Variants in SHANK1 observed in about 807,000 individuals in gnomAD.
The protein encoded by SHANK1 is SH3 and multiple ankyrin repeat domains 1, also known as SH3 and multiple ankyrin repeat domains protein 1.
Under a neutral mutation model 165.6 loss-of-function variants are expected in SHANK1, and 35 were observed. That is an observed-to-expected ratio of 0.21 (90% CI 0.16 to 0.28). SHANK1 has a LOEUF of 0.28. SHANK1 is among the 10% of genes least tolerant of loss of function. The probability of loss-of-function intolerance (pLI) is 1.00; values close to 1 mark genes in which losing one functional copy is unlikely to be tolerated. For synonymous variants in SHANK1, 1,428 were observed against 1,384.8 expected, an observed-to-expected ratio of 1.03 and a Z score of -0.69; for missense variants, 2,681 against 3,036.4, an observed-to-expected ratio of 0.88 and a Z score of 2.75.
intron 12 of SHANK1, among the ~76,000 whole-genome samples, chr19:50,700,410 C>T (rs2123168539): frequency 6.6e-6 from 1 of 151,620 alleles, no homozygotes; most frequent in East Asian, 1.9e-4. Flanking sequence ...GGACTTGGGG[C>T]ATTGGAGAAT....
At chr19:50,663,110 G>A (rs1206691541) in intron 23 of SHANK1, 1 of 206,512 alleles carries the variant, frequency 4.8e-6, no homozygotes, top group Non-Finnish European at 9.8e-6. Context: ...AGGACACACA[G>A]GAAGTGGCAG....
intron 8 of SHANK1, among the ~76,000 whole-genome samples, chr19:50,708,790 C>G (rs923202953): frequency 3.3e-5 from 5 of 152,206 alleles, no homozygotes; most frequent in African/African-American, 1.2e-4. Flanking sequence ...CATTTTCATT[C>G]ATTCATTCAC....
rs779067464 is a variant in SHANK1, at chr19:50,662,385, G to A, written c.6066C>T (p.Ile2022=). ...CTGGGTAGAGGGGTCCGGAAGGCAG[G>A]ATGGGCAGGGACGAGGGCCTGGGCG... ...SPAPRPSSLP[I]LPSGPLYPGL... Residue 2022 remains isoleucine, a synonymous_variant, in exon 24 of 24, where the codon ATC becomes ATT. Transcript: ENST00000293441. This position sits in a 1 kb window ranked among gnomAD's most constrained non-coding sequence, Gnocchi z 7.7. The A allele has an allele frequency of 1.9e-6, 3 of 1,574,888 alleles. No homozygotes were observed. The highest frequency in any genetic ancestry group is 2.3e-5 in the East Asian group (1 of 44,282).
chr19:50,698,380 AC>A (rs1986806147), intron 12 of SHANK1, among the ~76,000 whole-genome samples: 1 of 152,032 alleles, frequency 6.6e-6, no homozygotes, highest in Non-Finnish European at 1.5e-5. Flanking sequence ...TCTCCTTGCC[AC>A]TTAATCTTTA....
intron 8 of SHANK1, among the ~76,000 whole-genome samples, chr19:50,709,070 G>C (rs1315478938): frequency 6.6e-6 from 1 of 152,196 alleles, no homozygotes; most frequent in African/African-American, 2.4e-5. Context: ...GTTATGCATC[G>C]GTTTGTTAAG....
At chr19:50,704,271 G>A (rs1031493242) in intron 9 of SHANK1, 85 bp from the exon 10 acceptor site, 23 of 1,438,798 alleles carry the variant, frequency 1.6e-5, no homozygotes, top group African/African-American at 9.8e-5. Flanking sequence ...TCCCTGGCCC[G>A]ACCCAAACCT....
chr19:50,717,642 G>A lies in SHANK1; in HGVS notation c.-43-680C>T, dbSNP rs1225102819. Among the ~76,000 whole-genome samples, 1 of 152,208 alleles carries A rather than the reference G, an allele frequency of 6.6e-6. No homozygotes were observed. Among genetic ancestry groups the A allele is most frequent in the Admixed American group, 6.5e-5 (1 of 15,286 alleles). On this transcript the variant is annotated intron_variant, in intron 1 of 23. Coordinates refer to ENST00000293441, the MANE Select transcript of SHANK1 (RefSeq NM_016148.5). The surrounding 1 kb of genome is among the most constrained non-coding windows in gnomAD (Gnocchi z 5.5). ...GGGTGTCCCCAAGGGAACCACAAGAGGTGGCTTTTGGAGACTGGGGCATCT... is the reference window on the plus strand; with the variant it reads ...GGGTGTCCCCAAGGGAACCACAAGAAGTGGCTTTTGGAGACTGGGGCATCT...
Position 50,686,933 on chromosome 19 carries a change from G to A in SHANK1, c.2390-121C>T, listed in dbSNP as rs1235440251. On this transcript the variant is annotated intron_variant, in intron 19 of 23. Transcript: ENST00000293441. This position sits in a 1 kb window ranked among gnomAD's most constrained non-coding sequence, Gnocchi z 5.7. The stretch of plus-strand genomic sequence containing the variant: ...GGGCGTGGCGGGCGCGAGAGGGGCA[G>A]TGAGGGGCCGGGGTCAGGGAGGGGC... 7.3e-7 allele frequency: 1 copy of A among 1,377,440 alleles called. No homozygotes were observed. Among genetic ancestry groups the A allele is most frequent in the Non-Finnish European group, 9.7e-7 (1 of 1,027,372 alleles). 85.3% of individuals were successfully genotyped at this position (1,377,440 alleles called of 1,614,324 possible).
chr19:50,662,823 A>G lies in SHANK1; in HGVS notation c.5769-141T>C, dbSNP rs1985320705. Reference sequence around the variant, plus strand: ...GGGGAGAGACGGAGGAGAGACGGGAAGAAATGGAGGGAGCAAGGGGTAAGA... The same window carrying G: ...GGGGAGAGACGGAGGAGAGACGGGAGGAAATGGAGGGAGCAAGGGGTAAGA... On this transcript the variant is annotated intron_variant, in intron 23 of 23. Transcript: ENST00000293441. The surrounding 1 kb of genome is among the most constrained non-coding windows in gnomAD (Gnocchi z 7.7). The G allele has an allele frequency of 1.1e-6, 1 of 869,596 alleles. No individual in the cohort carries two copies. Among genetic ancestry groups the G allele is most frequent in the Non-Finnish European group, 1.8e-6 (1 of 560,746 alleles). 53.9% of individuals were successfully genotyped at this position (869,596 alleles called of 1,614,324 possible). A position where few individuals can be genotyped will look rare whatever the true frequency, so the allele number is the denominator to read the frequency against.
rs1367934352 is a variant in SHANK1, at chr19:50,686,150, C to T, written c.2577+87G>A. 1 of 726,356 alleles carries T rather than the reference C, an allele frequency of 1.4e-6. No homozygotes were observed. The highest frequency in any genetic ancestry group is 1.8e-5 in the African/African-American group (1 of 55,238). The allele number at this position is 726,356 out of a possible 1,614,324, so 45.0% of individuals were successfully genotyped here. On this transcript the variant is annotated intron_variant, in intron 21 of 23. Coordinates refer to ENST00000293441, the MANE Select transcript of SHANK1 (RefSeq NM_016148.5). The surrounding 1 kb of genome is among the most constrained non-coding windows in gnomAD (Gnocchi z 5.7). ...GGACCAGCCTAAAGCACAGAGGCGTCAGGAGGGTTTTGGAAAGAGAAAGGC... is the reference window on the plus strand; with the variant it reads ...GGACCAGCCTAAAGCACAGAGGCGTTAGGAGGGTTTTGGAAAGAGAAAGGC...
rs781425869 is a variant in SHANK1, at chr19:50,713,379, G to A, written c.792+419C>T. On this transcript the variant is annotated intron_variant, in intron 6 of 23. Transcript: ENST00000293441. The surrounding 1 kb of genome is among the most constrained non-coding windows in gnomAD (Gnocchi z 6.2). ...GAGGAGGGAGGGGAGCTGGTGCAGT[G>A]CTGGTTTGGAAGGGTAGCTGGGGGG... 3.1e-4 allele frequency among the ~76,000 whole-genome samples: 47 copies of A among 151,984 alleles called. 1 individual carries two copies. The highest frequency in any genetic ancestry group is 5.4e-4 in the Non-Finnish European group (37 of 67,986).
In SHANK1 at chr19:50,666,356, G is replaced by C. The variant is rs1328681569; in HGVS notation, c.5604C>G (p.Ala1868=). 23 of 1,613,746 alleles carry C rather than the reference G, an allele frequency of 1.4e-5. No homozygotes were observed. The highest frequency in any genetic ancestry group is 1.9e-5 in the Non-Finnish European group (22 of 1,179,964). The change falls in exon 23 of 24, where the codon GCC becomes GCG. Residue 1868 remains alanine, a synonymous_variant. Coordinates refer to ENST00000293441, the MANE Select transcript of SHANK1 (RefSeq NM_016148.5). ...PQASALATVK[A]SIISELSSKL... is the part of the protein sequence containing the mutation. ...TGGAGCTGAGTTCACTGATGATGCT[G>C]GCTTTTACTGTGGCCAAGGCTGAGG...
Position 50,703,462 on chromosome 19 carries a change from G to C in SHANK1, c.1553+38C>G, listed in dbSNP as rs565683666. The C allele has an allele frequency of 2.0e-6, 3 of 1,496,922 alleles. No individual in the cohort carries two copies. The East Asian group carries it at 7.5e-5, about 37-fold the overall frequency. The allele number at this position is 1,496,922 out of a possible 1,614,324, so 92.7% of individuals were successfully genotyped here. On this transcript the variant is annotated intron_variant, in intron 11 of 23. Transcript: ENST00000293441. ...CGCCGATCTGGAGAGGGGATTTGAC[G>C]GGGCTGGGGACTGTGGAGCCAGGGC... is the stretch of plus-strand genomic sequence containing the variant.
intron 15 of SHANK1, chr19:50,689,530 C>G (rs945960008): frequency 1.6e-6 from 1 of 638,472 alleles, no homozygotes; most frequent in Non-Finnish European, 2.8e-6. Flanking sequence ...ATCCATCCAC[C>G]CATCCATTCA....
chr19:50,702,372 C>G lies in SHANK1; in HGVS notation c.1747+95G>C. ...AGGTCTCCAGAGTGCATGAGATACT[C>G]CAGGTGCCCGAGAATGGTCTGCTCT... is the stretch of plus-strand genomic sequence containing the variant. On this transcript the variant is annotated intron_variant, in intron 12 of 23. Coordinates refer to ENST00000293441, the MANE Select transcript of SHANK1 (RefSeq NM_016148.5). The surrounding 1 kb of genome is among the most constrained non-coding windows in gnomAD (Gnocchi z 5.3). 1 of 1,125,760 alleles carries G rather than the reference C, an allele frequency of 8.9e-7. No individual in the cohort carries two copies. Among genetic ancestry groups the G allele is most frequent in the Admixed American group, 2.5e-5 (1 of 39,358 alleles). The allele number at this position is 1,125,760 out of a possible 1,614,324, so 69.7% of individuals were successfully genotyped here.
chr19:50,688,106 G>T lies in SHANK1; in HGVS notation c.2173-48C>A. The T allele has an allele frequency of 6.2e-7, 1 of 1,608,788 alleles. No individual in the cohort carries two copies. The highest frequency in any genetic ancestry group is 1.7e-4 in the Middle Eastern group (1 of 6,048). ...TCACACAGAGTAGACGAGGGGAGGG[G>T]TGCTTGCAGCTTCAGAGACCCCAAG... On this transcript the variant is annotated intron_variant, in intron 17 of 23. Coordinates refer to ENST00000293441, the MANE Select transcript of SHANK1 (RefSeq NM_016148.5). The surrounding 1 kb of genome is among the most constrained non-coding windows in gnomAD (Gnocchi z 6.7).
intron 15 of SHANK1, 29 bp from the exon 16 acceptor site, chr19:50,689,308 G>T: frequency 5.5e-6 from 8 of 1,459,556 alleles, no homozygotes; most frequent in Non-Finnish European, 3.8e-6. Flanking sequence ...AAATGGGGGG[G>T]TGGTGGGGGG....
chr19:50,688,000 T>C lies in SHANK1; in HGVS notation c.2231A>G (p.Gln744Arg), dbSNP rs1331419233. 6.2e-7 allele frequency: 1 copy of C among 1,614,026 alleles called. No homozygotes were observed. Among genetic ancestry groups the C allele is most frequent in the East Asian group, 2.2e-5 (1 of 44,880 alleles). ...CTTCACCATCAGCGTGTTGCCCCCT[T>C]GGCGGATCATGTTCACCACCTGTCG... ...GHRQVVNMIRQGGNTLMVKVV... is the reference protein window; with the variant it reads ...GHRQVVNMIRRGGNTLMVKVV... Residue 744 changes from glutamine (Q) to arginine (R), a missense_variant, in exon 18 of 24, where the codon CAA becomes CGA. Physicochemically the swap from Gln to Arg is conservative, Grantham distance 43. Transcript: ENST00000293441.
intron 12 of SHANK1, 72 bp from the exon 13 acceptor site, chr19:50,698,028 C>T: frequency 9.3e-7 from 1 of 1,072,936 alleles, no homozygotes; most frequent in Admixed American, 2.0e-5. Flanking sequence ...ACACACTCAA[C>T]TTAGAGCATT....
Sources: allele counts gnomAD v4.1 joint callset (sites outside exome capture counted in the v4.1 genomes callset), GRCh38; gene constraint gnomAD v4.1.1; non-coding constraint Gnocchi (gnomAD v3.1); transcripts MANE v1.5; gene names NCBI Gene and HGNC (gene_info 2026-07-23, HGNC 2026-07-21).